Variants in POM121C observed in about 807,000 individuals in gnomAD.
POM121C encodes the protein POM121 transmembrane nucleoporin C.
In POM121C, 20 loss-of-function variants were observed where a neutral mutation model predicts 66.4. The ratio of observed to expected loss-of-function variants is 0.30; its 90% CI spans 0.21 to 0.44. The LOEUF is 0.44. Ranked by LOEUF, POM121C falls within the 20% of genes least tolerant of loss-of-function variation. The pLI, the probability that POM121C is intolerant of heterozygous loss-of-function variation, is 1.00. For synonymous variants in POM121C, 286 were observed against 528.0 expected (o/e 0.54, Z 6.28); for missense variants, 580 against 1,225.7 (o/e 0.47, Z 7.87).
At chr7:75,454,088 A>C (rs1210748203) in intron 3 of POM121C, among the ~76,000 whole-genome samples, 4 of 152,220 alleles carry the variant, frequency 2.6e-5, no homozygotes, top group Admixed American at 2.6e-4. Context: ...GGCAATCACA[A>C]AGATGTGCAC....
intron 7 of POM121C, among the ~76,000 whole-genome samples, chr7:75,430,872 T>G (rs2116365400): frequency 6.6e-6 from 1 of 151,878 alleles, no homozygotes; most frequent in South Asian, 2.1e-4. Flanking sequence ...GTCAGGAGAT[T>G]GAGACCATCC....
intron 13 of POM121C, chr7:75,420,124 C>T (rs1789634545): frequency 6.6e-6 from 1 of 152,252 alleles, no homozygotes; most frequent in Non-Finnish European, 1.5e-5. Flanking sequence ...CACAGAGGAC[C>T]CTTGGCTCAC....
rs186526081 is a variant in POM121C at position 75,466,841 on chromosome 7, A to G, written c.-152+7863T>C. On this transcript the variant is annotated intron_variant, in intron 3 of 14. Coordinates refer to ENST00000615331, the MANE Select transcript of POM121C (RefSeq NM_001099415.3). ...CACAGACCCTGCATGCATCAAAATGAGATTAAATATTACAAACAAATCTAG... is the reference window on the plus strand; with the variant it reads ...CACAGACCCTGCATGCATCAAAATGGGATTAAATATTACAAACAAATCTAG... Among the ~76,000 whole-genome samples the G allele has an allele frequency of 2.2e-3, 335 of 152,174 alleles. 3 individuals are homozygous for G. Among genetic ancestry groups the G allele is most frequent in the African/African-American group, 7.7e-3 (318 of 41,544 alleles).
intron 1 of POM121C, among the ~76,000 whole-genome samples, chr7:75,476,191 T>C (rs1380281895): frequency 3.3e-5 from 5 of 151,254 alleles, no homozygotes; most frequent in Non-Finnish European, 7.4e-5. Flanking sequence ...CTTGGGAGGC[T>C]AAGGCAGGAG....
intron 7 of POM121C, among the ~76,000 whole-genome samples, chr7:75,436,316 T>C (rs58062048): frequency 0.076 from 11,575 of 152,144 alleles, 1,450 homozygotes; most frequent in African/African-American, 0.26. Context: ...CCAACTTCAG[T>C]ATAGGCTAAA....
Position 75,424,627 on chromosome 7 carries a change from G to A in POM121C, c.770C>T (p.Pro257Leu), listed in dbSNP as rs782790026. 3 of 1,613,832 alleles carry A rather than the reference G, an allele frequency of 1.9e-6. No homozygotes were observed. The highest frequency in any genetic ancestry group is 1.1e-5 in the South Asian group (1 of 91,074). ...CGAATAGCCAAGCTGGGGAGGTGGA[G>A]GCTACCAAAGAGAAAAAGAAGAAGT... ...PSRRGEQLTL[P>L]PPPQLGYSIT... Residue 257 changes from proline to leucine, a missense_variant and splice_region_variant, in exon 11 of 15, where the codon CCT becomes CTT. Transcript: ENST00000615331.
intron 1 of POM121C, among the ~76,000 whole-genome samples, chr7:75,481,947 A>C (rs1792324700): frequency 6.6e-6 from 1 of 152,218 alleles, no homozygotes; most frequent in African/African-American, 2.4e-5. Flanking sequence ...TCAAGTCAAT[A>C]GTTCTTAACT....
At chr7:75,478,213 C>T (rs587649680) in intron 1 of POM121C, among the ~76,000 whole-genome samples, 6 of 152,278 alleles carry the variant, frequency 3.9e-5, no homozygotes, top group Admixed American at 3.3e-4. Context: ...GATCCGCCCA[C>T]CTTAGCCTTG....
chr7:75,476,438 T>C (rs1207074162), intron 1 of POM121C, among the ~76,000 whole-genome samples: 2 of 152,142 alleles, frequency 1.3e-5, no homozygotes, highest in South Asian at 2.1e-4. Context: ...AGTAAGCATG[T>C]TGCATTATCC....
intron 3 of POM121C, chr7:75,442,050 G>A (rs1790670887): frequency 1.6e-6 from 2 of 1,246,820 alleles, no homozygotes; most frequent in Non-Finnish European, 2.1e-6. Flanking sequence ...ATTCCCTTCG[G>A]ATTTGATGAA....
chr7:75,444,613 G>T (rs1216026530), intron 3 of POM121C, among the ~76,000 whole-genome samples: 3 of 131,634 alleles, frequency 2.3e-5, no homozygotes, highest in East Asian at 2.3e-4. Flanking sequence ...GTGTTTAGAG[G>T]TAAAGAGATG....
chr7:75,416,938 A>G lies in POM121C; in HGVS notation c.*1858T>C. On this transcript the variant is annotated 3_prime_UTR_variant, in exon 15 of 15. Coordinates refer to ENST00000615331, the MANE Select transcript of POM121C (RefSeq NM_001099415.3). The stretch of plus-strand genomic sequence containing the variant: ...CGCTGCCGTCCAGTGTGTGTACTGT[A>G]CACATCCACACTCACTCTCACTCAG... 1 of 1,407,570 alleles carries G rather than the reference A, an allele frequency of 7.1e-7. No homozygotes were observed. The highest frequency in any genetic ancestry group is 9.2e-7 in the Non-Finnish European group (1 of 1,083,656). The allele number at this position is 1,407,570 out of a possible 1,614,324, so 87.2% of individuals were successfully genotyped here.
In POM121C at chr7:75,439,170, A is replaced by G. The variant is rs782113323; in HGVS notation, c.282T>C (p.Ser94=). 3.1e-6 allele frequency: 5 copies of G among 1,614,138 alleles called. No homozygotes were observed. Among genetic ancestry groups the G allele is most frequent in the East Asian group, 2.2e-5 (1 of 44,902 alleles). ...TAGGCACAAAAGAAGCGGGGACTCCACTGGCCACCAGGGGCTCAAATGCTG... is the reference window on the plus strand; with the variant it reads ...TAGGCACAAAAGAAGCGGGGACTCCGCTGGCCACCAGGGGCTCAAATGCTG... The part of the protein sequence containing the change: ...GHSAFEPLVA[S]GVPASFVPKP... Residue 94 remains serine (S), a synonymous_variant, in exon 6 of 15, where the codon AGT becomes AGC. Transcript: ENST00000615331.
At chr7:75,427,413 T>C (rs1364512422) in intron 7 of POM121C, among the ~76,000 whole-genome samples, 2 of 147,546 alleles carry the variant, frequency 1.4e-5, no homozygotes, top group African/African-American at 2.5e-5. Flanking sequence ...CCAGCCTGGG[T>C]GACAGAGTGA....
chr7:75,436,785 G>T (rs1247625950), intron 7 of POM121C, among the ~76,000 whole-genome samples: 1 of 152,052 alleles, frequency 6.6e-6, no homozygotes, highest in African/African-American at 2.4e-5. Flanking sequence ...TCAGAGCCAA[G>T]CATTTTTTTC....
rs587704792 is a variant in POM121C, at chr7:75,424,377, C to T, written c.871+149G>A. The T allele has an allele frequency of 5.8e-5, 72 of 1,242,958 alleles. No individual in the cohort carries two copies. In the South Asian group the frequency reaches 7.1e-4, roughly 12 times the overall value. 77.0% of individuals were successfully genotyped at this position (1,242,958 alleles called of 1,614,324 possible). ...TGTCCAGTTCCCGTGAAGACCAACA[C>T]GGATATCTCAGGTGAGAAAGACCAC... On this transcript the variant is annotated intron_variant, in intron 11 of 14. Transcript: ENST00000615331.
intron 1 of POM121C, among the ~76,000 whole-genome samples, chr7:75,484,662 C>CAAAAAAAAAA (rs10690558): frequency 2.1e-5 from 1 of 48,670 alleles, no homozygotes; most frequent in Non-Finnish European, 3.6e-5. Context: ...GACACTGTCT[C>CAAAAAAAAAA]AAAAAAAAAA....
intron 11 of POM121C, 105 bp downstream of exon 11, chr7:75,424,421 A>G: frequency 2.7e-6 from 4 of 1,497,266 alleles, no homozygotes; most frequent in Non-Finnish European, 3.7e-6. Context: ...ATGGAACTCT[A>G]CTTCGGATTT....
chr7:75,482,211 A>G lies in POM121C; in HGVS notation c.-458+3653T>C, dbSNP rs587654131. Among the ~76,000 whole-genome samples, 131 of 152,310 alleles carry G rather than the reference A, an allele frequency of 8.6e-4. 1 individual carries two copies. The highest frequency in any genetic ancestry group is 2.9e-3 in the African/African-American group (122 of 41,560). ...AGGAGACATACTATGGGAACTATTA[A>G]AAGATTTAACCCAACTGCCACATGT... On this transcript the variant is annotated intron_variant, in intron 1 of 14. Transcript: ENST00000615331.
Sources: gnomAD v4.1 joint callset for allele counts (sites outside exome capture counted in the v4.1 genomes callset) on GRCh38, gnomAD v4.1.1 for gene constraint, MANE v1.5 for transcripts, NCBI Gene and HGNC (gene_info 2026-07-23, HGNC 2026-07-21) for gene names.